The following LINGO2 variants were observed in gnomAD, a reference collection of about 807,000 sequenced individuals.
The protein encoded by LINGO2 is leucine-rich repeat and immunoglobulin-like domain-containing nogo receptor-interacting protein 2.
LINGO2 carries 14 observed loss-of-function variants against 30.6 expected under a neutral mutation model. The observed-to-expected ratio is 0.46, with a 90% CI of 0.30 to 0.72. The LOEUF is 0.72. LINGO2 is among the 30% of genes least tolerant of loss of function. LINGO2 has a pLI of 0.07. For synonymous variants in LINGO2, 317 were observed against 288.5 expected (o/e 1.10, Z -1.00); for missense variants, 729 against 751.7 (o/e 0.97, Z 0.35).
chr9:28,022,002 C>G (rs1823151129), intron 4 of LINGO2, among the ~76,000 whole-genome samples: 1 of 151,764 alleles, frequency 6.6e-6, no homozygotes, highest in Admixed American at 6.6e-5. Flanking sequence ...TAATATCTAC[C>G]ATATTTGAAT....
chr9:28,049,990 T>A (rs1824597796), intron 4 of LINGO2, among the ~76,000 whole-genome samples: 1 of 150,708 alleles, frequency 6.6e-6, no homozygotes, highest in Admixed American at 6.7e-5. Context: ...TGTGGGCTGT[T>A]TTAATAGTTC....
At chr9:28,106,573 T>C (rs1050024007) in intron 4 of LINGO2, among the ~76,000 whole-genome samples, 4 of 152,124 alleles carry the variant, frequency 2.6e-5, no homozygotes, top group Admixed American at 6.5e-5. Flanking sequence ...TATCCTCAAT[T>C]CACATACACA....
the LINGO2 span, among the ~76,000 whole-genome samples, chr9:29,195,877 T>C: frequency 1.3e-5 from 2 of 152,122 alleles, no homozygotes; most frequent in African/African-American, 2.4e-5. Context: ...CAGACACTTA[T>C]AATCAAATTA....
chr9:28,369,623 G>A (rs1033085830), intron 3 of LINGO2, among the ~76,000 whole-genome samples: 6 of 152,130 alleles, frequency 3.9e-5, no homozygotes, highest in African/African-American at 1.4e-4. Flanking sequence ...AAGAGGGAAG[G>A]TTTTAGTAAG....
chr9:28,430,564 G>A (rs967982959), intron 2 of LINGO2, among the ~76,000 whole-genome samples: 3 of 152,046 alleles, frequency 2.0e-5, no homozygotes, highest in South Asian at 4.2e-4. Flanking sequence ...AAAGACTTTT[G>A]TCTTCATTTT....
rs143668313 is a variant in LINGO2, at chr9:28,003,610, T to C, written c.-36+8745A>G. Among the ~76,000 whole-genome samples, 1,000 of 152,200 alleles carry C rather than the reference T, an allele frequency of 6.6e-3. 4 individuals are homozygous for C. The highest frequency in any genetic ancestry group is 0.022 in the African/African-American group (895 of 41,522). ...CTGAGTAGCTGGGACTACAGGCGCCTGCCACCACACCCGGCTAATTTTTCG... is the reference window on the plus strand; with the variant it reads ...CTGAGTAGCTGGGACTACAGGCGCCCGCCACCACACCCGGCTAATTTTTCG... On this transcript the variant is annotated intron_variant, in intron 5 of 5. Coordinates refer to ENST00000379992, the Ensembl canonical transcript of LINGO2.
At chr9:28,296,700 G>C (rs1823936440) in intron 3 of LINGO2, among the ~76,000 whole-genome samples, 1 of 152,146 alleles carries the variant, frequency 6.6e-6, no homozygotes, top group African/African-American at 2.4e-5. Context: ...CTTAAACAAA[G>C]AGGTGTATAT....
the LINGO2 span, among the ~76,000 whole-genome samples, chr9:28,801,680 T>C: frequency 2.3e-4 from 35 of 152,090 alleles, no homozygotes; most frequent in African/African-American, 8.0e-4. Context: ...GGAAGCTATG[T>C]TAATCTTTTC....
rs375305421 is a variant in LINGO2 at position 28,160,568 on chromosome 9, C to T, written c.-87+134640G>A. On this transcript the variant is annotated intron_variant, in intron 4 of 5. Transcript: ENST00000379992. ...GAATCTCTGTCCTTTCTGTTCCCCT[C>T]CTGCCCCCCTTCTGCTCTTGCTCTT... 9.4e-4 allele frequency among the ~76,000 whole-genome samples: 143 copies of T among 152,262 alleles called. 2 individuals are homozygous for T. The South Asian group carries it at 0.015, about 16-fold the overall frequency.
chr9:28,637,791 T>G (rs1241683360), intron 1 of LINGO2, among the ~76,000 whole-genome samples: 1 of 152,164 alleles, frequency 6.6e-6, no homozygotes, highest in African/African-American at 2.4e-5. Flanking sequence ...ACTTCCTCTT[T>G]TCCTAATTGA....
the LINGO2 span, among the ~76,000 whole-genome samples, chr9:28,995,180 A>G: frequency 6.6e-6 from 1 of 152,216 alleles, no homozygotes; most frequent in Non-Finnish European, 1.5e-5. Context: ...CAAGAAAAAA[A>G]CAAACAACCC....
At chr9:29,141,874 T>C in the LINGO2 span, among the ~76,000 whole-genome samples, 3 of 151,884 alleles carry the variant, frequency 2.0e-5, no homozygotes, top group African/African-American at 7.2e-5. Context: ...ATAATAAATG[T>C]ATATGCACTC....
intron 1 of LINGO2, among the ~76,000 whole-genome samples, chr9:28,523,054 CT>C (rs753494725): frequency 4.0e-5 from 6 of 151,560 alleles, no homozygotes; most frequent in Non-Finnish European, 7.4e-5. Context: ...CGAAGAAAAT[CT>C]AACACAGCCA....
At chr9:28,157,984 A>C (rs1374654189) in intron 4 of LINGO2, among the ~76,000 whole-genome samples, 1 of 152,076 alleles carries the variant, frequency 6.6e-6, no homozygotes, top group Non-Finnish European at 1.5e-5. Context: ...GAGTCCTCCA[A>C]ACTGTTCCAA....
chr9:28,397,070 C>A (rs994092773), intron 2 of LINGO2, among the ~76,000 whole-genome samples: 1 of 152,032 alleles, frequency 6.6e-6, no homozygotes, highest in African/African-American at 2.4e-5. Flanking sequence ...CCTATCCATT[C>A]TTCTCAGGAA....
At chr9:28,284,296 AT>A (rs1219621971) in intron 4 of LINGO2, among the ~76,000 whole-genome samples, 1 of 152,082 alleles carries the variant, frequency 6.6e-6, no homozygotes, top group African/African-American at 2.4e-5. Flanking sequence ...TAGTTTTCCC[AT>A]TTACACTCTC....
intron 1 of LINGO2, among the ~76,000 whole-genome samples, chr9:28,636,359 A>G (rs942520101): frequency 2.0e-5 from 3 of 152,184 alleles, no homozygotes; most frequent in African/African-American, 7.2e-5. Flanking sequence ...TGGCGGGGAC[A>G]AATGGTATTT....
rs141071115 is a variant in LINGO2 at position 27,961,377 on chromosome 9, T to C, written c.-35-10671A>G. Among the ~76,000 whole-genome samples, 672 of 152,292 alleles carry C rather than the reference T, an allele frequency of 4.4e-3. 6 individuals carry two copies. Among genetic ancestry groups the C allele is most frequent in the Middle Eastern group, 0.01 (3 of 294 alleles). On this transcript the variant is annotated intron_variant, in intron 5 of 5. Coordinates refer to ENST00000379992, the Ensembl canonical transcript of LINGO2. The stretch of plus-strand genomic sequence containing the variant: ...GGAGCTCTGCAACAGCATATTTCCA[T>C]TTATACTCCTCCCCTCATCCTTGGT...
At chr9:28,886,145 T>C in the LINGO2 span, among the ~76,000 whole-genome samples, 2 of 152,200 alleles carry the variant, frequency 1.3e-5, no homozygotes, top group Non-Finnish European at 2.9e-5. Context: ...CAACGAGTTA[T>C]GTTTGCTTTC....
Sources: gnomAD v4.1 joint callset for allele counts (sites outside exome capture counted in the v4.1 genomes callset) on GRCh38, gnomAD v4.1.1 for gene constraint, MANE v1.5 for transcripts, NCBI Gene and HGNC (gene_info 2026-07-23, HGNC 2026-07-21) for gene names.